Variants in PCDH7 observed in about 807,000 individuals in gnomAD.
PCDH7 encodes protocadherin-7.
In PCDH7, 17 loss-of-function variants were observed where a neutral mutation model predicts 58.9. The observed-to-expected ratio is 0.29, with a 90% CI of 0.20 to 0.43. The LOEUF is 0.43. Among genes scored for constraint, PCDH7 ranks in the 20% least tolerant of loss-of-function variants. The pLI is 1.00. For synonymous variants in PCDH7, 664 were observed against 616.4 expected (o/e 1.08, Z -1.14); for missense variants, 1,274 against 1,441.0 (o/e 0.88, Z 1.88).
chr4:31,092,388 C>T lies in PCDH7; in HGVS notation c.*8-50085C>T, dbSNP rs75301807. Among the ~76,000 whole-genome samples, 1,392 of 151,920 alleles carry T rather than the reference C, an allele frequency of 9.2e-3. 14 individuals are homozygous for T. The highest frequency in any genetic ancestry group is 0.052 in the South Asian group (250 of 4,818). On this transcript the variant is annotated intron_variant, in intron 3 of 3. Coordinates refer to the PCDH7 transcript ENST00000509759. ...AGATCAGATTCTAACCTATCAGCAG[C>T]GATAACATTTTTATTCTCCAGAGAG...
At chr4:30,730,351 A>C (rs909364582) in intron 1 of PCDH7, among the ~76,000 whole-genome samples, 1 of 152,106 alleles carries the variant, frequency 6.6e-6, no homozygotes, top group African/African-American at 2.4e-5. Flanking sequence ...TTTGCGGTAC[A>C]TTACACTGTG....
chr4:30,989,493 T>G (rs947687675), intron 3 of PCDH7, among the ~76,000 whole-genome samples: 3 of 152,182 alleles, frequency 2.0e-5, no homozygotes, highest in Admixed American at 6.5e-5. Context: ...GTGTCTGTAA[T>G]TTGCATTATG....
rs147017606 is a variant in PCDH7, at chr4:30,854,123, G to A, written c.71-66030G>A. On this transcript the variant is annotated intron_variant, in intron 1 of 3. Transcript: ENST00000509759. The stretch of plus-strand genomic sequence containing the variant: ...ACATTTCAAGATATAATTCAAACTT[G>A]ATTAGAACTTCCACTAAAAATAAAG... Among the ~76,000 whole-genome samples the A allele has an allele frequency of 1.3e-4, 20 of 151,574 alleles. No homozygotes were observed. In the East Asian group the frequency reaches 3.7e-3, roughly 28 times the overall value.
At chr4:30,751,816 T>A (rs1487235395) in intron 1 of PCDH7, among the ~76,000 whole-genome samples, 1 of 152,184 alleles carries the variant, frequency 6.6e-6, no homozygotes, top group Non-Finnish European at 1.5e-5. Flanking sequence ...TTTTTTCCAG[T>A]AATATTTACT....
chr4:30,853,529 C>G (rs1317531987), intron 1 of PCDH7, among the ~76,000 whole-genome samples: 1 of 151,996 alleles, frequency 6.6e-6, no homozygotes, highest in African/African-American at 2.4e-5. Context: ...CGTAGCAACC[C>G]TATTAGATCC....
At chr4:31,119,915 T>C (rs1388762180) in intron 3 of PCDH7, among the ~76,000 whole-genome samples, 1 of 151,840 alleles carries the variant, frequency 6.6e-6, no homozygotes. Context: ...AGTCCACAGA[T>C]CTTATCAGAA....
At chr4:30,743,737 C>T (rs1717395071) in intron 1 of PCDH7, among the ~76,000 whole-genome samples, 1 of 152,028 alleles carries the variant, frequency 6.6e-6, no homozygotes, top group Non-Finnish European at 1.5e-5. Context: ...TACACACACA[C>T]ACACACACAC....
chr4:30,859,998 T>C (rs1733994540), intron 1 of PCDH7, among the ~76,000 whole-genome samples: 1 of 152,162 alleles, frequency 6.6e-6, no homozygotes, highest in African/African-American at 2.4e-5. Flanking sequence ...TCAGGTTTCA[T>C]TGGTGGGGAA....
chr4:30,790,384 C>G (rs904079253), intron 1 of PCDH7, among the ~76,000 whole-genome samples: 11 of 152,284 alleles, frequency 7.2e-5, no homozygotes, highest in African/African-American at 2.6e-4. Context: ...GGAAGTGGAA[C>G]TGGACTTTGA....
chr4:30,985,963 C>CA (rs200266615), intron 3 of PCDH7, among the ~76,000 whole-genome samples: 4,817 of 152,240 alleles, frequency 0.032, 111 homozygotes, highest in Non-Finnish European at 0.053. Context: ...CATCCTCTGA[C>CA]CCTGTAACAA....
chr4:31,134,399 G>T (rs539387528), intron 3 of PCDH7, among the ~76,000 whole-genome samples: 6 of 152,156 alleles, frequency 3.9e-5, no homozygotes, highest in Non-Finnish European at 8.8e-5. Context: ...GGTGGAGGTT[G>T]CAGTGAGCCA....
intron 2 of PCDH7, among the ~76,000 whole-genome samples, chr4:30,926,262 G>A (rs953174084): frequency 3.3e-5 from 5 of 149,382 alleles, no homozygotes; most frequent in Admixed American, 6.7e-5. Flanking sequence ...TCGGCTCACC[G>A]CAAGTTCCGC....
intron 1 of PCDH7, among the ~76,000 whole-genome samples, chr4:30,740,194 AG>A (rs1378352129): frequency 1.3e-5 from 2 of 152,194 alleles, no homozygotes; most frequent in African/African-American, 4.8e-5. Context: ...TATGAAGTAG[AG>A]GGAACACATC....
intron 2 of PCDH7, among the ~76,000 whole-genome samples, chr4:30,925,408 C>T (rs4075130): frequency 0.7 from 105,671 of 152,020 alleles, 36,755 homozygotes; most frequent in East Asian, 0.78. Flanking sequence ...GCTGATTTCA[C>T]GTAGATTGAG....
intron 2 of PCDH7, among the ~76,000 whole-genome samples, chr4:30,942,220 C>CAA (rs2109437438): frequency 6.6e-6 from 1 of 152,002 alleles, no homozygotes; most frequent in Admixed American, 6.6e-5. Flanking sequence ...CATTATTACA[C>CAA]ATGCTTTAAT....
chr4:30,903,794 T>A (rs976087191), intron 1 of PCDH7, among the ~76,000 whole-genome samples: 6 of 152,150 alleles, frequency 3.9e-5, no homozygotes, highest in South Asian at 2.1e-4. Flanking sequence ...ATTTGCAGTG[T>A]TTATGCCTTA....
chr4:31,026,030 A>C lies in PCDH7; in HGVS notation c.*7+75815A>C, dbSNP rs1170666944. 3.9e-5 allele frequency among the ~76,000 whole-genome samples: 6 copies of C among 152,322 alleles called. No individual in the cohort carries two copies. In the East Asian group the frequency reaches 1.2e-3, roughly 29 times the overall value. On this transcript the variant is annotated intron_variant, in intron 3 of 3. Coordinates refer to the PCDH7 transcript ENST00000509759. The stretch of plus-strand genomic sequence containing the variant: ...CTATAATTACTAGTATGTGTCAAAC[A>C]ATTTACCACGCACTGTTATATGCCA...
At chr4:30,985,676 A>G (rs573100156) in intron 3 of PCDH7, among the ~76,000 whole-genome samples, 1 of 152,378 alleles carries the variant, frequency 6.6e-6, no homozygotes, top group African/African-American at 2.4e-5. Flanking sequence ...ATCATAAAGT[A>G]GATGCCCATC....
chr4:30,782,962 A>G (rs1284721431), intron 1 of PCDH7: 1 of 152,202 alleles, frequency 6.6e-6, no homozygotes, highest in African/African-American at 2.4e-5. Flanking sequence ...ATGCCAAGGT[A>G]CCATATTTTG....
Sources: gnomAD v4.1 joint callset for allele counts (sites outside exome capture counted in the v4.1 genomes callset) on GRCh38, gnomAD v4.1.1 for gene constraint, MANE v1.5 for transcripts, NCBI Gene and HGNC (gene_info 2026-07-23, HGNC 2026-07-21) for gene names.